Variants in PCDHGA6 observed in about 807,000 individuals in gnomAD.
The protein encoded by PCDHGA6 is protocadherin gamma subfamily A, 6, also known as protocadherin gamma-A6.
A neutral mutation model predicts 60.6 loss-of-function variants in PCDHGA6; 41 were observed. The observed-to-expected ratio is 0.68, with a 90% CI of 0.53 to 0.88. PCDHGA6 has a LOEUF of 0.88. Among genes scored for constraint, PCDHGA6 ranks in the 40% least tolerant of loss-of-function variants. The pLI is 0.00. For missense variants in PCDHGA6, 1,312 were observed against 1,203.0 expected, an observed-to-expected ratio of 1.09 and a Z score of -1.34; for synonymous variants, 594 against 524.4, an observed-to-expected ratio of 1.13 and a Z score of -1.81.
chr5:141,404,746 A>T (rs1219726027), intron 1 of PCDHGA6: 2 of 1,613,308 alleles, frequency 1.2e-6, no homozygotes, highest in Admixed American at 3.3e-5. Flanking sequence ...ACAGAGACTC[A>T]GGCCAGAATG....
chr5:141,495,465 G>A (rs563411010), intron 2 of PCDHGA6, among the ~76,000 whole-genome samples: 3 of 152,182 alleles, frequency 2.0e-5, no homozygotes, highest in Non-Finnish European at 2.9e-5. Context: ...TGTCTGTGGG[G>A]TCTCCGTGTC....
rs144203659 is a variant in PCDHGA6, at chr5:141,431,011, G to A, written c.2424+54504G>A. The A allele has an allele frequency of 1.5e-5, 24 of 1,613,168 alleles. No individual in the cohort carries two copies. The highest frequency in any genetic ancestry group is 1.7e-5 in the Non-Finnish European group (20 of 1,179,310). ...CCCTGAATCCGCGCAGCGGCAGCTTGGTCACGGCGGGCAGGATAGACCGGG... is the reference window on the plus strand; with the variant it reads ...CCCTGAATCCGCGCAGCGGCAGCTTAGTCACGGCGGGCAGGATAGACCGGG... On this transcript the variant is annotated intron_variant, in intron 1 of 3. Transcript: ENST00000517434. This position sits in a 1 kb window ranked among gnomAD's most constrained non-coding sequence, Gnocchi z 4.8.
At chr5:141,381,342 T>C (rs931867398) in intron 1 of PCDHGA6, among the ~76,000 whole-genome samples, 3 of 152,254 alleles carry the variant, frequency 2.0e-5, no homozygotes, top group Non-Finnish European at 4.4e-5. Context: ...GAGCTTTCTT[T>C]TCTTTCTGCT....
At chr5:141,500,446 T>C (rs2099800320) in intron 2 of PCDHGA6, among the ~76,000 whole-genome samples, 1 of 152,002 alleles carries the variant, frequency 6.6e-6, no homozygotes, top group South Asian at 2.1e-4. Context: ...CCTGACCTCG[T>C]GATCCGCCCG....
At chr5:141,412,286 G>A (rs150947924) in intron 1 of PCDHGA6, 104 of 152,170 alleles carry the variant, frequency 6.8e-4, no homozygotes, top group African/African-American at 2.3e-3. Flanking sequence ...CAAATTCTAC[G>A]TATTTCTTTT....
In PCDHGA6 at chr5:141,374,438, G is replaced by T. The variant is rs760020224; in HGVS notation, c.355G>T (p.Val119Leu). ...LVEDKLNLYP[V>L]EVEIVDINDN... ...CGAGGATAAACTGAATCTTTATCCCGTGGAAGTGGAAATAGTGGACATTAA... is the reference window on the plus strand; with the variant it reads ...CGAGGATAAACTGAATCTTTATCCCTTGGAAGTGGAAATAGTGGACATTAA... Residue 119 changes from valine (V) to leucine (L), a missense_variant, in exon 1 of 4, where the codon GTG (valine) becomes TTG (leucine). Physicochemically the swap from Val to Leu is conservative, Grantham distance 32 (BLOSUM62 1). Transcript: ENST00000517434. 1.9e-6 allele frequency: 3 copies of T among 1,613,736 alleles called. No individual in the cohort carries two copies. The highest frequency in any genetic ancestry group is 2.5e-6 in the Non-Finnish European group (3 of 1,179,822).
At position 141,471,885 on chromosome 5, in the gene PCDHGA6, A is replaced by G. The variant is rs180968509; in HGVS notation, c.2425-22922A>G. ...ACTGTGGTTGCCTGAGGCTGAAGCT[A>G]GGAAGATTGACTACAGACAAGCATG... On this transcript the variant is annotated intron_variant, in intron 1 of 3. Transcript: ENST00000517434. Among the ~76,000 whole-genome samples the G allele has an allele frequency of 1.9e-3, 294 of 152,338 alleles. 1 individual carries two copies. Among genetic ancestry groups the G allele is most frequent in the Middle Eastern group, 0.017 (5 of 294 alleles).
At chr5:141,409,227 A>G (rs2095244126) in intron 1 of PCDHGA6, 1 of 1,613,922 alleles carries the variant, frequency 6.2e-7, no homozygotes, top group African/African-American at 1.3e-5. Flanking sequence ...GATGAAAACG[A>G]CAACAGCCCA....
At chr5:141,495,463 G>T (rs1562169154) in intron 2 of PCDHGA6, among the ~76,000 whole-genome samples, 1 of 152,114 alleles carries the variant, frequency 6.6e-6, no homozygotes, top group Non-Finnish European at 1.5e-5. Context: ...TCTGTCTGTG[G>T]GGTCTCCGTG....
At chr5:141,408,969 C>G (rs1005367761) in intron 1 of PCDHGA6, 1 of 1,613,594 alleles carries the variant, frequency 6.2e-7, no homozygotes, top group African/African-American at 1.3e-5. Flanking sequence ...GAAAATCTGC[C>G]CCCTGGGTCC....
rs2154555227 is a variant in PCDHGA6, at chr5:141,432,737, C to G, written c.2424+56230C>G. ...GCCCCCTCTCTCCGCCACTGTCACG[C>G]TCACCGTGGCCGTGGCCGACAGCAT... On this transcript the variant is annotated intron_variant, in intron 1 of 3. Coordinates refer to ENST00000517434, the MANE Select transcript of PCDHGA6 (RefSeq NM_018919.3). This position sits in a 1 kb window ranked among gnomAD's most constrained non-coding sequence, Gnocchi z 6.0. 6.2e-7 allele frequency: 1 copy of G among 1,614,110 alleles called. No homozygotes were observed. The highest frequency in any genetic ancestry group is 8.5e-7 in the Non-Finnish European group (1 of 1,180,002).
At chr5:141,419,808 G>A in intron 1 of PCDHGA6, 2 of 1,614,066 alleles carry the variant, frequency 1.2e-6, no homozygotes, top group Non-Finnish European at 8.5e-7. Flanking sequence ...AGAGATGGAG[G>A]ACAGCCACCC....
intron 1 of PCDHGA6, chr5:141,407,909 G>T: frequency 4.7e-6 from 2 of 425,700 alleles, no homozygotes; most frequent in Non-Finnish European, 8.3e-6. Context: ...TGAAAAACCG[G>T]GCTGCTGTCC....
chr5:141,474,022 A>G (rs929139769), intron 1 of PCDHGA6, among the ~76,000 whole-genome samples: 1 of 152,160 alleles, frequency 6.6e-6, no homozygotes, highest in African/African-American at 2.4e-5. Flanking sequence ...GTGAGCTATG[A>G]TTATTCCACT....
chr5:141,421,402 G>A (rs2096569907), intron 1 of PCDHGA6: 1 of 1,614,076 alleles, frequency 6.2e-7, no homozygotes, highest in Non-Finnish European at 8.5e-7. Context: ...GGAGCCCCGG[G>A]AGCTGGCGAA....
At chr5:141,410,821 C>A in intron 1 of PCDHGA6, 1 of 441,370 alleles carries the variant, frequency 2.3e-6, no homozygotes, top group Non-Finnish European at 3.8e-6. Context: ...AAAATAATGT[C>A]ACCAGACTGA....
rs530007628 is a variant in PCDHGA6 at position 141,376,702 on chromosome 5, C to T, written c.2424+195C>T. 1,559 of 561,286 alleles carry T rather than the reference C, an allele frequency of 2.8e-3. 9 individuals carry two copies. The highest frequency in any genetic ancestry group is 3.4e-3 in the Non-Finnish European group (1,255 of 368,136). The allele number at this position is 561,286 out of a possible 1,614,324, so 34.8% of individuals were successfully genotyped here. On this transcript the variant is annotated intron_variant, in intron 1 of 3. Transcript: ENST00000517434. Reference sequence around the variant, plus strand: ...TTTTTTTTTTTTTTTTTTTTTGAGACGGAGTCTCGCTCTGTCGCCCAGGCC... The same window carrying T: ...TTTTTTTTTTTTTTTTTTTTTGAGATGGAGTCTCGCTCTGTCGCCCAGGCC...
rs200109598 is a variant in PCDHGA6 at position 141,388,741 on chromosome 5, A to C, written c.2424+12234A>C. ...ACTTTCTCTTTCAGTGAAGCTAGCC[A>C]GATCACCCAATTTGACCTGAACTCT... is the stretch of plus-strand genomic sequence containing the variant. On this transcript the variant is annotated intron_variant, in intron 1 of 3. Transcript: ENST00000517434. The C allele has an allele frequency of 1.3e-4, 203 of 1,613,906 alleles. No individual in the cohort carries two copies. The highest frequency in any genetic ancestry group is 1.7e-4 in the Non-Finnish European group (198 of 1,179,898).
At chr5:141,495,452 C>T (rs543717781) in intron 2 of PCDHGA6, among the ~76,000 whole-genome samples, 1 of 152,356 alleles carries the variant, frequency 6.6e-6, no homozygotes, top group Non-Finnish European at 1.5e-5. Context: ...TTGTCCTGCT[C>T]TCTGTCTGTG....
Sources: gnomAD v4.1 joint callset for allele counts (sites outside exome capture counted in the v4.1 genomes callset) on GRCh38, gnomAD v4.1.1 for gene constraint, Gnocchi (gnomAD v3.1) non-coding constraint, MANE v1.5 for transcripts, NCBI Gene and HGNC (gene_info 2026-07-23, HGNC 2026-07-21) for gene names.